SVEP1: variants seen among roughly 807,000 people sequenced by gnomAD.
The protein encoded by SVEP1 is sushi, von Willebrand factor type A, EGF and pentraxin domain containing 1, also known as sushi, von Willebrand factor type A, EGF and pentraxin domain-containing protein 1.
In SVEP1, 164 loss-of-function variants were observed where a neutral mutation model predicts 367.3. The observed-to-expected ratio is 0.45, with a 90% CI of 0.39 to 0.51. SVEP1 has a LOEUF of 0.51. Ranked by LOEUF, SVEP1 falls within the 20% of genes least tolerant of loss-of-function variation. The pLI is 0.00. For synonymous variants in SVEP1, 1,666 were observed against 1,611.6 expected (o/e 1.03, Z -0.81); for missense variants, 4,117 against 4,425.3 (o/e 0.93, Z 1.98).
In SVEP1 at chr9:110,408,405, G is replaced by C; in HGVS notation, c.7195C>G (p.His2399Asp). 1 of 1,613,956 alleles carries C rather than the reference G, an allele frequency of 6.2e-7. No individual in the cohort carries two copies. The highest frequency in any genetic ancestry group is 8.5e-7 in the Non-Finnish European group (1 of 1,179,882). ...FGVPIPSSAL[H>D]FGSTVKYSCV... ...GAATACTTGACAGTACTTCCAAAAT[G>C]AAGAGCAGAAGAAGGAATGGGGACA... The change falls in exon 38 of 48, where the codon CAT becomes GAT. Residue 2399 changes from histidine (H) to aspartate (D), a missense_variant. By Grantham distance (81) the His-to-Asp change is moderately conservative. Transcript: ENST00000374469.
At position 110,490,516 on chromosome 9, in the gene SVEP1, A is replaced by G. The variant is rs544645476; in HGVS notation, c.1801-737T>C. The stretch of plus-strand genomic sequence containing the variant: ...CCTTTCTTGGCTTCGGATAACAACC[A>G]GTCTACTCTCTATCTTAATGAGATC... On this transcript the variant is annotated intron_variant, in intron 8 of 47. Transcript: ENST00000374469. Among the ~76,000 whole-genome samples, 10 of 152,182 alleles carry G rather than the reference A, an allele frequency of 6.6e-5. 1 individual carries two copies. The South Asian group carries it at 8.3e-4, about 13-fold the overall frequency.
intron 5 of SVEP1, among the ~76,000 whole-genome samples, chr9:110,509,676 A>G (rs1829678972): frequency 6.6e-6 from 1 of 152,142 alleles, no homozygotes; most frequent in Admixed American, 6.5e-5. Context: ...ACACCCATGC[A>G]TGGTTTTTAA....
intron 24 of SVEP1, 52 bp from the exon 25 acceptor site, chr9:110,447,109 C>T: frequency 7.5e-7 from 1 of 1,328,128 alleles, no homozygotes; most frequent in Non-Finnish European, 9.7e-7. Context: ...GGAAGTCTCC[C>T]ATTTATGATA....
Position 110,438,116 on chromosome 9 carries a change from TGAA to T in SVEP1, c.4640-1615_4640-1613del, listed in dbSNP as rs1440762477. ...ACTATACAGAATGTTTGAATATTGTTGAAGGTGTTGTGAGACCATCTTGAACGC... is the reference window on the plus strand; with the variant it reads ...ACTATACAGAATGTTTGAATATTGTTGGTGTTGTGAGACCATCTTGAACGC... On this transcript the variant is annotated intron_variant, in intron 27 of 47. Coordinates refer to ENST00000374469, the MANE Select transcript of SVEP1 (RefSeq NM_153366.4). Among the ~76,000 whole-genome samples, 4 of 151,912 alleles carry T rather than the reference TGAA, an allele frequency of 2.6e-5. No homozygotes were observed. The East Asian group carries it at 7.7e-4, about 29-fold the overall frequency.
intron 6 of SVEP1, among the ~76,000 whole-genome samples, chr9:110,500,989 A>G (rs1588082754): frequency 1.3e-5 from 2 of 151,426 alleles, no homozygotes; most frequent in East Asian, 3.9e-4. Context: ...GTTTGCATTC[A>G]GTGTAGTACA....
At chr9:110,570,970 CTT>C (rs374900472) in intron 1 of SVEP1, among the ~76,000 whole-genome samples, 32 of 114,904 alleles carry the variant, frequency 2.8e-4, no homozygotes, top group East Asian at 1.1e-3. Flanking sequence ...CAGATGGCTC[CTT>C]TTTTTTTTTT....
At position 110,539,766 on chromosome 9, in the gene SVEP1, C is replaced by T. The variant is rs569071607; in HGVS notation, c.964+6349G>A. ...CATGCTAATTTTCTCTGTAACACTCCGATTTTAGTATATATGCTGCCAAAG... is the reference window on the plus strand; with the variant it reads ...CATGCTAATTTTCTCTGTAACACTCTGATTTTAGTATATATGCTGCCAAAG... On this transcript the variant is annotated intron_variant, in intron 3 of 47. Transcript: ENST00000374469. Among the ~76,000 whole-genome samples the T allele has an allele frequency of 4.6e-5, 7 of 151,868 alleles. No homozygotes were observed. The East Asian group carries it at 5.8e-4, about 13-fold the overall frequency.
intron 1 of SVEP1, among the ~76,000 whole-genome samples, chr9:110,560,314 A>C (rs1830410896): frequency 6.6e-6 from 1 of 152,164 alleles, no homozygotes; most frequent in African/African-American, 2.4e-5. Context: ...TGATATTCAC[A>C]CAATAACAAA....
At chr9:110,511,237 TGTGA>T (rs920105335) in intron 5 of SVEP1, among the ~76,000 whole-genome samples, 15 of 152,216 alleles carry the variant, frequency 9.9e-5, no homozygotes, top group African/African-American at 3.4e-4. Flanking sequence ...AGATTTGGGT[TGTGA>T]GTATTTTCAA....
intron 3 of SVEP1, among the ~76,000 whole-genome samples, chr9:110,518,279 C>T (rs1176836022): frequency 2.6e-5 from 4 of 151,838 alleles, no homozygotes; most frequent in South Asian, 2.1e-4. Flanking sequence ...AAAAATTAGC[C>T]GGGTATGGTG....
At position 110,366,225 on chromosome 9, in the gene SVEP1, G is replaced by A. The variant is rs2274483; in HGVS notation, c.*314C>T. Reference sequence around the variant, plus strand: ...AATGGAAAAATCATTTTAAGTAACTGAATAAAAATGTGTACCAGGAACTTT... The same window carrying A: ...AATGGAAAAATCATTTTAAGTAACTAAATAAAAATGTGTACCAGGAACTTT... On this transcript the variant is annotated 3_prime_UTR_variant, in exon 48 of 48. Coordinates refer to ENST00000374469, the MANE Select transcript of SVEP1 (RefSeq NM_153366.4). 0.11 allele frequency: 29,975 copies of A among 277,158 alleles called. 2,444 individuals are homozygous for A. Among genetic ancestry groups the A allele is most frequent in the East Asian group, 0.37 (6,018 of 16,072 alleles). The allele number at this position is 277,158 out of a possible 1,614,324, so 17.2% of individuals were successfully genotyped here.
chr9:110,579,505 C>A lies in SVEP1; in HGVS notation c.39G>T (p.Ala13=). Residue 13 remains alanine (A), a synonymous_variant, in exon 1 of 48, where the codon GCG becomes GCT. Coordinates refer to ENST00000374469, the MANE Select transcript of SVEP1 (RefSeq NM_153366.4). This position sits in a 1 kb window ranked among gnomAD's most constrained non-coding sequence, Gnocchi z 5.3. ...PRLAFCCWGL[A]LVSGWATFQQ... is the part of the protein sequence containing the mutation. ...GAAAGGTCGCCCAGCCCGAAACGAG[C>A]GCCAGACCCCAGCAACAAAAGGCCA... is the stretch of plus-strand genomic sequence containing the variant. 6.2e-7 allele frequency: 1 copy of A among 1,605,402 alleles called. No homozygotes were observed.
intron 42 of SVEP1, among the ~76,000 whole-genome samples, chr9:110,386,688 G>A (rs186377787): frequency 1.8e-4 from 27 of 152,286 alleles, no homozygotes; most frequent in Middle Eastern, 3.4e-3. Flanking sequence ...CGTGCTTAGC[G>A]CAAGTGTGTG....
intron 16 of SVEP1, among the ~76,000 whole-genome samples, chr9:110,469,899 C>G (rs955836065): frequency 1.3e-5 from 2 of 152,104 alleles, no homozygotes; most frequent in Non-Finnish European, 2.9e-5. Flanking sequence ...GGGGAGGAAA[C>G]AAATGCAGGC....
chr9:110,484,328 G>C (rs73655380), intron 9 of SVEP1, among the ~76,000 whole-genome samples: 4,270 of 152,202 alleles, frequency 0.028, 191 homozygotes, highest in African/African-American at 0.098. Flanking sequence ...AAAGGAGAGA[G>C]AGTATGAAAG....
chr9:110,395,941 C>G (rs1199085395), intron 40 of SVEP1, among the ~76,000 whole-genome samples: 1 of 150,572 alleles, frequency 6.6e-6, no homozygotes, highest in African/African-American at 2.4e-5. Flanking sequence ...TTAGACAGAT[C>G]AACGAGACAG....
chr9:110,389,748 A>G (rs1300612431), intron 40 of SVEP1, among the ~76,000 whole-genome samples, 161 bp from the exon 41 acceptor site: 1 of 152,018 alleles, frequency 6.6e-6, no homozygotes, highest in East Asian at 1.9e-4. Flanking sequence ...TACTCCTTAA[A>G]CTGTATTTAT....
chr9:110,470,367 T>TA (rs1232735166), intron 16 of SVEP1, among the ~76,000 whole-genome samples: 5 of 151,302 alleles, frequency 3.3e-5, no homozygotes, highest in East Asian at 1.9e-4. Context: ...TCACCTCAAT[T>TA]AAAAAAAAAG....
rs1027285284 is a variant in SVEP1, at chr9:110,389,733, A to C, written c.9823-146T>G. On this transcript the variant is annotated intron_variant, in intron 40 of 47. Coordinates refer to ENST00000374469, the MANE Select transcript of SVEP1 (RefSeq NM_153366.4). ...ATGTTAAAAACATTTTTGAAAGTCTAAATCTACTCCTTAAACTGTATTTAT... is the reference window on the plus strand; with the variant it reads ...ATGTTAAAAACATTTTTGAAAGTCTCAATCTACTCCTTAAACTGTATTTAT... 1.2e-5 allele frequency: 10 copies of C among 821,242 alleles called. No homozygotes were observed. In the African/African-American group the frequency reaches 1.6e-4, roughly 13 times the overall value. 50.9% of individuals were successfully genotyped at this position (821,242 alleles called of 1,614,324 possible).
Sources: gnomAD v4.1 joint callset for allele counts (sites outside exome capture counted in the v4.1 genomes callset) on GRCh38, gnomAD v4.1.1 for gene constraint, Gnocchi (gnomAD v3.1) non-coding constraint, MANE v1.5 for transcripts, NCBI Gene and HGNC (gene_info 2026-07-23, HGNC 2026-07-21) for gene names.